ACTN4: variants seen among roughly 807,000 people sequenced by gnomAD.
ACTN4 encodes the protein alpha-actinin-4.
ACTN4 carries 18 observed loss-of-function variants against 114.2 expected under a neutral mutation model. The ratio of observed to expected loss-of-function variants is 0.16; its 90% CI spans 0.11 to 0.23. The LOEUF is 0.23. Among genes scored for constraint, ACTN4 ranks in the 10% least tolerant of loss-of-function variants. ACTN4 has a pLI of 1.00. For missense variants in ACTN4, 722 were observed against 1,262.9 expected, an observed-to-expected ratio of 0.57 and a Z score of 6.49; for synonymous variants, 515 against 506.3, an observed-to-expected ratio of 1.02 and a Z score of -0.23.
chr19:38,653,413 T>C (rs1406771239), intron 1 of ACTN4, among the ~76,000 whole-genome samples: 2 of 140,672 alleles, frequency 1.4e-5, no homozygotes, highest in Non-Finnish European at 3.1e-5. Flanking sequence ...GGTTGTTCTT[T>C]AAAAAAAAAA....
chr19:38,728,902 C>T, intron 19 of ACTN4, 94 bp from the exon 20 acceptor site: 1 of 1,532,260 alleles, frequency 6.5e-7, no homozygotes, highest in Non-Finnish European at 9.0e-7. Context: ...GCCCTACTCT[C>T]TCGGCTGTTT....
At chr19:38,729,251 G>C (rs1421614039) in intron 20 of ACTN4, 23 bp from the exon 21 acceptor site, 2 of 1,612,612 alleles carry the variant, frequency 1.2e-6, no homozygotes, top group Admixed American at 3.3e-5. Flanking sequence ...GGATGGCTCA[G>C]AGTCCCATCC....
chr19:38,689,892 C>T (rs1367473613), intron 1 of ACTN4, among the ~76,000 whole-genome samples: 1 of 152,154 alleles, frequency 6.6e-6, no homozygotes, highest in Non-Finnish European at 1.5e-5. Flanking sequence ...CCATGAGAGA[C>T]AGGACTAGCT....
rs754946729 is a variant in ACTN4, at chr19:38,729,451, C to CAACA, written c.*20_*23dup. ...CCTGTGAGGCCCCAGAGACCTGACC[C>CAACA]AACACCCCCGACGGCCTCCAGGAGG... On this transcript the variant is annotated 3_prime_UTR_variant, in exon 21 of 21. Transcript: ENST00000252699. The CAACA allele has an allele frequency of 3.1e-6, 5 of 1,612,538 alleles. 1 individual carries two copies. In the South Asian group the frequency reaches 4.4e-5, roughly 14 times the overall value.
chr19:38,690,436 C>T (rs995230588), intron 1 of ACTN4, among the ~76,000 whole-genome samples: 4 of 152,238 alleles, frequency 2.6e-5, no homozygotes, highest in Non-Finnish European at 5.9e-5. Flanking sequence ...TTGTCCTAAT[C>T]GAGCTAAACA....
At chr19:38,695,058 A>C (rs1378802933) in intron 1 of ACTN4, among the ~76,000 whole-genome samples, 1 of 152,128 alleles carries the variant, frequency 6.6e-6, no homozygotes, top group Non-Finnish European at 1.5e-5. Flanking sequence ...TAGTTTTTGT[A>C]GAGATGGGGT....
At chr19:38,692,316 C>G (rs540476190) in intron 1 of ACTN4, among the ~76,000 whole-genome samples, 1 of 152,352 alleles carries the variant, frequency 6.6e-6, no homozygotes, top group South Asian at 2.1e-4. Context: ...CAGTGCTAGC[C>G]CTGATTGCCT....
At chr19:38,712,811 T>C (rs1021698805) in intron 8 of ACTN4, among the ~76,000 whole-genome samples, 22 of 152,178 alleles carry the variant, frequency 1.4e-4, no homozygotes, top group Admixed American at 2.0e-4. Flanking sequence ...TGCTTTTCTT[T>C]CTACCCACAC....
intron 1 of ACTN4, among the ~76,000 whole-genome samples, chr19:38,671,925 T>C (rs1295668318): frequency 6.6e-6 from 1 of 152,228 alleles, no homozygotes; most frequent in Non-Finnish European, 1.5e-5. Context: ...ATGTTATTTG[T>C]GTGCCTAGAA....
intron 5 of ACTN4, among the ~76,000 whole-genome samples, chr19:38,706,782 T>C (rs1659498475): frequency 6.6e-6 from 1 of 152,228 alleles, no homozygotes; most frequent in African/African-American, 2.4e-5. Flanking sequence ...GTAAATTTAG[T>C]GTTGGGGAAA....
intron 8 of ACTN4, 64 bp from the exon 9 acceptor site, chr19:38,714,405 A>C (rs1968770107): frequency 4.0e-6 from 6 of 1,481,904 alleles, no homozygotes; most frequent in Non-Finnish European, 5.6e-6. Context: ...CTTTCAAGGG[A>C]CGTGCCCGTC....
At chr19:38,708,705 C>G (rs1469055602) in intron 6 of ACTN4, among the ~76,000 whole-genome samples, 1 of 152,248 alleles carries the variant, frequency 6.6e-6, no homozygotes, top group African/African-American at 2.4e-5. Flanking sequence ...AGGCCGTGTA[C>G]ATGTGCTCAG....
Position 38,724,063 on chromosome 19 carries a change from A to G in ACTN4, c.1678A>G (p.Ile560Val), listed in dbSNP as rs1383689475. ...DLQDMFIVHT[I>V]EEIEGLISAH... is the part of the protein sequence containing the mutation. ...CCAGGACATGTTCATCGTCCATACC[A>G]TCGAGGAGATTGAGGTTCGCACCCC... is the stretch of plus-strand genomic sequence containing the variant. The change falls in exon 14 of 21, where the codon ATC becomes GTC. Residue 560 changes from isoleucine (I) to valine (V), a missense_variant. By Grantham distance (29) the Ile-to-Val change is conservative (BLOSUM62 3). Transcript: ENST00000252699. The surrounding 1 kb of genome is among the most constrained non-coding windows in gnomAD (Gnocchi z 7.0). 1.2e-6 allele frequency: 2 copies of G among 1,613,502 alleles called. No homozygotes were observed. The highest frequency in any genetic ancestry group is 1.3e-5 in the African/African-American group (1 of 74,852).
In ACTN4 at chr19:38,729,060, T is replaced by C; in HGVS notation, c.2483T>C (p.Phe828Ser). The part of the protein sequence containing the change: ...VDPNHSGLVT[F>S]QAFIDFMSRE... The stretch of plus-strand genomic sequence containing the variant: ...CCCAACCATAGCGGCCTTGTGACCT[T>C]CCAAGCCTTCATCGACTTCATGTCG... Residue 828 changes from phenylalanine (F) to serine (S), a missense_variant, in exon 20 of 21, where the codon TTC (phenylalanine) becomes TCC (serine). Physicochemically the swap from Phe to Ser is radical, Grantham distance 155. Transcript: ENST00000252699. The C allele has an allele frequency of 3.1e-6, 5 of 1,613,454 alleles. No individual in the cohort carries two copies. Among genetic ancestry groups the C allele is most frequent in the Non-Finnish European group, 4.2e-6 (5 of 1,179,996 alleles).
rs1052224084 is a variant in ACTN4 at position 38,717,458 on chromosome 19, C to T, written c.1143+142C>T. On this transcript the variant is annotated intron_variant, in intron 10 of 20. Transcript: ENST00000252699. This position sits in a 1 kb window ranked among gnomAD's most constrained non-coding sequence, Gnocchi z 4.0. ...GGCATGGCCTTTCGGATGCAGTGGT[C>T]GGGGAGGGGTGCACTTCACTCGGCA... is the stretch of plus-strand genomic sequence containing the variant. 8.6e-6 allele frequency: 10 copies of T among 1,160,730 alleles called. No individual in the cohort carries two copies. The highest frequency in any genetic ancestry group is 4.1e-5 in the South Asian group (3 of 72,550). The allele number at this position is 1,160,730 out of a possible 1,614,324, so 71.9% of individuals were successfully genotyped here.
intron 1 of ACTN4, among the ~76,000 whole-genome samples, chr19:38,694,746 G>T (rs1033108961): frequency 6.6e-6 from 1 of 151,906 alleles, no homozygotes; most frequent in African/African-American, 2.4e-5. Context: ...GAGATATATC[G>T]CATGTGATCA....
chr19:38,659,981 A>G (rs1458407792), intron 1 of ACTN4, among the ~76,000 whole-genome samples: 1 of 143,798 alleles, frequency 7.0e-6, no homozygotes, highest in African/African-American at 2.6e-5. Context: ...GTGCAGTGGC[A>G]GGATCTCAGC....
chr19:38,656,933 C>T (rs546714179), intron 1 of ACTN4, among the ~76,000 whole-genome samples: 2 of 152,174 alleles, frequency 1.3e-5, no homozygotes, highest in African/African-American at 4.8e-5. Context: ...GCAGTATACC[C>T]CACTTTGTGT....
chr19:38,670,880 G>A (rs896263186), intron 1 of ACTN4, among the ~76,000 whole-genome samples: 2 of 149,722 alleles, frequency 1.3e-5, no homozygotes, highest in Non-Finnish European at 3.0e-5. Context: ...CTGAGATGTC[G>A]CCATTGCACT....
Sources: gnomAD v4.1 joint callset for allele counts (sites outside exome capture counted in the v4.1 genomes callset) on GRCh38, gnomAD v4.1.1 for gene constraint, Gnocchi (gnomAD v3.1) non-coding constraint, MANE v1.5 for transcripts, NCBI Gene and HGNC (gene_info 2026-07-23, HGNC 2026-07-21) for gene names.